UBAC2: variants seen among roughly 807,000 people sequenced by gnomAD.
UBAC2 encodes ubiquitin-associated domain-containing protein 2.
UBAC2 carries 26 observed loss-of-function variants against 44.0 expected under a neutral mutation model. The observed-to-expected ratio is 0.59, with a 90% confidence interval of 0.43 to 0.82. The LOEUF is 0.82. UBAC2 is among the 40% of genes least tolerant of loss of function. The pLI, the probability that UBAC2 is intolerant of heterozygous loss-of-function variation, is 0.00. For synonymous variants in UBAC2, 155 were observed against 154.3 expected (o/e 1.00, Z -0.04); for missense variants, 329 against 419.4 (o/e 0.78, Z 1.88).
chr13:99,254,114 T>C (rs888687141), intron 4 of UBAC2, among the ~76,000 whole-genome samples: 2 of 152,190 alleles, frequency 1.3e-5, no homozygotes, highest in African/African-American at 4.8e-5. Flanking sequence ...AAAAAATCAA[T>C]TAACTTCTTT....
chr13:99,296,688 G>T (rs1478502658), intron 4 of UBAC2, among the ~76,000 whole-genome samples: 2 of 152,076 alleles, frequency 1.3e-5, no homozygotes, highest in African/African-American at 4.8e-5. Context: ...GATCTGATTT[G>T]TGTTAACCTA....
intron 2 of UBAC2, among the ~76,000 whole-genome samples, chr13:99,238,960 C>T (rs1194871577): frequency 6.6e-6 from 1 of 152,110 alleles, no homozygotes; most frequent in African/African-American, 2.4e-5. Flanking sequence ...TTTTTGATAA[C>T]TTTTACAGTG....
chr13:99,328,903 C>A (rs1448632690), intron 6 of UBAC2, among the ~76,000 whole-genome samples: 1 of 152,178 alleles, frequency 6.6e-6, no homozygotes, highest in African/African-American at 2.4e-5. Context: ...TCCAATGTCA[C>A]AAAGATTTTC....
chr13:99,269,185 T>G (rs2043785839), intron 4 of UBAC2, among the ~76,000 whole-genome samples: 1 of 152,158 alleles, frequency 6.6e-6, no homozygotes, highest in South Asian at 2.1e-4. Context: ...GTCCACTCAT[T>G]GGTAGGTACC....
chr13:99,248,150 T>C (rs1013473277), intron 4 of UBAC2, among the ~76,000 whole-genome samples: 14 of 152,216 alleles, frequency 9.2e-5, no homozygotes, highest in African/African-American at 2.2e-4. Flanking sequence ...GAACGTGTAT[T>C]GTTTGCTTCC....
At chr13:99,311,501 G>T (rs539461297) in intron 4 of UBAC2, among the ~76,000 whole-genome samples, 1 of 152,206 alleles carries the variant, frequency 6.6e-6, no homozygotes, top group African/African-American at 2.4e-5. Flanking sequence ...GTTTTAATCA[G>T]TTGTGCTTGG....
chr13:99,264,363 A>C (rs910633692), intron 4 of UBAC2, among the ~76,000 whole-genome samples: 1 of 152,212 alleles, frequency 6.6e-6, no homozygotes, highest in Non-Finnish European at 1.5e-5. Flanking sequence ...GGAAGGGAAA[A>C]GAAGCAAATG....
At position 99,377,141 on chromosome 13, in the gene UBAC2, T is replaced by G. The variant is rs374323225; in HGVS notation, c.928-8087T>G. 208 of 152,388 alleles carry G rather than the reference T, an allele frequency of 1.4e-3. 2 individuals carry two copies. The highest frequency in any genetic ancestry group is 4.9e-3 in the African/African-American group (203 of 41,550). The allele number at this position is 152,388 out of a possible 1,614,324, so 9.4% of individuals were successfully genotyped here. ...ATCTTCACATTCAGCCTTCTCTAAC[T>G]GGTGCTGGGCACCGGGTGTGTCAGG... On this transcript the variant is annotated intron_variant, in intron 8 of 8. Coordinates refer to ENST00000403766, the MANE Select transcript of UBAC2 (RefSeq NM_001144072.2).
intron 4 of UBAC2, among the ~76,000 whole-genome samples, chr13:99,290,080 C>G (rs772654489): frequency 3.4e-4 from 52 of 152,276 alleles, no homozygotes; most frequent in Non-Finnish European, 6.0e-4. Context: ...ACCATGGAGC[C>G]AGACCCCAGA....
At chr13:99,202,072 CAAAAAA>C (rs776251286) in intron 1 of UBAC2, among the ~76,000 whole-genome samples, 3 of 71,964 alleles carry the variant, frequency 4.2e-5, no homozygotes, top group East Asian at 1.0e-3. Flanking sequence ...GACTCCATCT[CAAAAAA>C]AAAAAAAAAA....
chr13:99,268,146 C>A (rs1330177437), intron 4 of UBAC2, among the ~76,000 whole-genome samples: 1 of 152,172 alleles, frequency 6.6e-6, no homozygotes, highest in Non-Finnish European at 1.5e-5. Context: ...CGTGGCCACA[C>A]CTAATCACAG....
At chr13:99,377,409 C>T (rs990782439) in intron 8 of UBAC2, 2 of 152,160 alleles carry the variant, frequency 1.3e-5, no homozygotes, top group Middle Eastern at 3.2e-3. Context: ...ATCAGGTGCT[C>T]ATGGTGAGTT....
At chr13:99,291,859 G>A (rs919436735) in intron 4 of UBAC2, among the ~76,000 whole-genome samples, 3 of 152,096 alleles carry the variant, frequency 2.0e-5, no homozygotes, top group South Asian at 2.1e-4. Context: ...CAAAACATAC[G>A]TTATCAATTA....
chr13:99,288,595 A>T (rs1268415387), intron 4 of UBAC2, among the ~76,000 whole-genome samples: 3 of 152,220 alleles, frequency 2.0e-5, no homozygotes, highest in African/African-American at 7.2e-5. Context: ...CTGCTTTTTT[A>T]CATGTGGAAG....
chr13:99,339,499 G>A (rs1383360779), intron 6 of UBAC2, among the ~76,000 whole-genome samples: 2 of 152,126 alleles, frequency 1.3e-5, no homozygotes, highest in Non-Finnish European at 2.9e-5. Flanking sequence ...CTGGTGTGTA[G>A]CACAGTCTCA....
At position 99,365,615 on chromosome 13, in the gene UBAC2, G is replaced by A. The variant is rs189604351; in HGVS notation, c.808-2172G>A. Among the ~76,000 whole-genome samples the A allele has an allele frequency of 4.9e-4, 74 of 151,960 alleles. 1 individual carries two copies. Among genetic ancestry groups the A allele is most frequent in the African/African-American group, 1.6e-3 (66 of 41,460 alleles). ...TGATTTCTCATTTAATTGCATTATG[G>A]TGAGAATATAATCTGTGTAATGTTT... On this transcript the variant is annotated intron_variant, in intron 7 of 8. Transcript: ENST00000403766.
chr13:99,215,729 G>A (rs1594006625), intron 1 of UBAC2: 14 of 1,484,746 alleles, frequency 9.4e-6, no homozygotes, highest in East Asian at 6.9e-5. Context: ...TGGCCTTTCC[G>A]GAGTCCTTCC....
intron 8 of UBAC2, among the ~76,000 whole-genome samples, chr13:99,383,451 A>G (rs1313106678): frequency 3.3e-5 from 5 of 152,220 alleles, no homozygotes; most frequent in Admixed American, 1.3e-4. Flanking sequence ...AAAACAAACT[A>G]GAAGGTTTCT....
At chr13:99,347,332 C>CCCCG (rs796440720) in intron 7 of UBAC2, among the ~76,000 whole-genome samples, 10 of 97,042 alleles carry the variant, frequency 1.0e-4, no homozygotes, top group African/African-American at 3.2e-4. Flanking sequence ...CCCCCCCCCC[C>CCCCG]CCAGGAAAAA....
Sources: allele counts gnomAD v4.1 joint callset (sites outside exome capture counted in the v4.1 genomes callset), GRCh38; gene constraint gnomAD v4.1.1; transcripts MANE v1.5; gene names NCBI Gene and HGNC (gene_info 2026-07-23, HGNC 2026-07-21).